GNG4: variants seen among roughly 807,000 people sequenced by gnomAD.
GNG4 encodes the protein G protein subunit gamma 4.
A neutral mutation model predicts 5.8 loss-of-function variants in GNG4; 4 were observed. The ratio of observed to expected loss-of-function variants is 0.69; its 90% confidence interval spans 0.34 to 1.57. The LOEUF is 1.57. Ranked by LOEUF, GNG4 falls within the 40% of genes most tolerant of loss-of-function variation. The probability of loss-of-function intolerance (pLI) is 0.06; values close to 1 mark genes in which losing one functional copy is unlikely to be tolerated. For missense variants in GNG4, 96 were observed against 95.1 expected (o/e 1.01, Z -0.04); for synonymous variants, 29 against 32.9 (o/e 0.88, Z 0.41).
intron 1 of GNG4, among the ~76,000 whole-genome samples, chr1:235,631,317 C>A (rs755533616): frequency 2.0e-5 from 3 of 152,194 alleles, no homozygotes; most frequent in Non-Finnish European, 4.4e-5. Flanking sequence ...CAGTTTGGTG[C>A]TGTCCAATTA....
chr1:235,567,937 C>T (rs1572618642), intron 3 of GNG4, among the ~76,000 whole-genome samples: 1 of 152,066 alleles, frequency 6.6e-6, no homozygotes, highest in Non-Finnish European at 1.5e-5. Flanking sequence ...TTGGGGAGAA[C>T]AATTGTTCTG....
At chr1:235,598,561 A>G (rs1294197710) in intron 1 of GNG4, among the ~76,000 whole-genome samples, 2 of 152,114 alleles carry the variant, frequency 1.3e-5, no homozygotes, top group Admixed American at 1.3e-4. Context: ...GTGAGCTGTA[A>G]TCATGCTACT....
In GNG4 at chr1:235,649,631, C is replaced by T. The variant is rs1043360170; in HGVS notation, c.-123+31G>A. 2.0e-5 allele frequency: 3 copies of T among 152,190 alleles called. No individual in the cohort carries two copies. Among genetic ancestry groups the T allele is most frequent in the African/African-American group, 7.2e-5 (3 of 41,446 alleles). The allele number at this position is 152,190 out of a possible 1,614,324, so 9.4% of individuals were successfully genotyped here. A position where few individuals can be genotyped will look rare whatever the true frequency, so the allele number is the denominator to read the frequency against. On this transcript the variant is annotated intron_variant, in intron 1 of 3. Transcript: ENST00000391854. This position sits in a 1 kb window ranked among gnomAD's most constrained non-coding sequence, Gnocchi z 5.7. ...CACCGGGCTGGGCTCTCCCCGCGGA[C>T]ACCCGGGGCTCCGGCCGGGCGCCCA...
rs543803642 is a variant in GNG4 at position 235,582,344 on chromosome 1, C to A, written c.99+1396G>T. On this transcript the variant is annotated intron_variant, in intron 3 of 3. Transcript: ENST00000391854. The stretch of plus-strand genomic sequence containing the variant: ...CCAGCACAACCTGCAGCTCCTCCCG[C>A]TGCCCAGCTGCTCCACACGAGCCGT... Among the ~76,000 whole-genome samples the A allele has an allele frequency of 5.0e-3, 766 of 152,336 alleles. 5 individuals carry two copies. Among genetic ancestry groups the A allele is most frequent in the African/African-American group, 0.017 (725 of 41,580 alleles).
chr1:235,563,634 T>A (rs1413525480), intron 3 of GNG4, among the ~76,000 whole-genome samples: 1 of 151,912 alleles, frequency 6.6e-6, no homozygotes, highest in African/African-American at 2.4e-5. Context: ...GGGAAACAAT[T>A]ATTTCTCTTA....
At chr1:235,561,942 TTTTATA>T (rs1687073528) in intron 3 of GNG4, among the ~76,000 whole-genome samples, 1 of 152,258 alleles carries the variant, frequency 6.6e-6, no homozygotes, top group Admixed American at 6.5e-5. Context: ...TAGTGTACTC[TTTTATA>T]TTTATGTCTA....
chr1:235,567,976 G>C (rs1449606743), intron 3 of GNG4, among the ~76,000 whole-genome samples: 1 of 152,016 alleles, frequency 6.6e-6, no homozygotes, highest in East Asian at 1.9e-4. Context: ...ACAGGCCCTT[G>C]CACAACATCC....
At chr1:235,564,323 G>A (rs1029951329) in intron 3 of GNG4, among the ~76,000 whole-genome samples, 2 of 152,082 alleles carry the variant, frequency 1.3e-5, no homozygotes, top group African/African-American at 4.8e-5. Flanking sequence ...ACTACCTGTT[G>A]GGTACTATGC....
rs77540275 is a variant in GNG4, at chr1:235,605,962, G to GGA, written c.-122-10452_-122-10451insTC. Among the ~76,000 whole-genome samples, 182 of 147,170 alleles carry GGA rather than the reference G, an allele frequency of 1.2e-3. 3 individuals are homozygous for GGA. Among genetic ancestry groups the GGA allele is most frequent in the Middle Eastern group, 0.01 (3 of 288 alleles). On this transcript the variant is annotated intron_variant, in intron 1 of 3. Transcript: ENST00000391854. ...TTTTTTTGATTGAGAGTGTGGGGGGGTGGGTCTCACTGTGTTGCCCAGGCT... is the reference window on the plus strand; with the variant it reads ...TTTTTTTGATTGAGAGTGTGGGGGGGGATGGGTCTCACTGTGTTGCCCAGGCT...
At chr1:235,612,277 C>T (rs1158799631) in intron 1 of GNG4, among the ~76,000 whole-genome samples, 1 of 152,170 alleles carries the variant, frequency 6.6e-6, no homozygotes, top group South Asian at 2.1e-4. Context: ...GAGGCCCTGG[C>T]CTGCCAGCAG....
chr1:235,580,739 G>GT (rs1200655746), intron 3 of GNG4, among the ~76,000 whole-genome samples: 41,059 of 95,712 alleles, frequency 0.43, 10,229 homozygotes, highest in African/African-American at 0.5. Context: ...GGCCTATCCC[G>GT]TTTTTTGTTT....
At chr1:235,641,251 A>C (rs1476310083) in intron 1 of GNG4, among the ~76,000 whole-genome samples, 1 of 151,998 alleles carries the variant, frequency 6.6e-6, no homozygotes, top group African/African-American at 2.4e-5. Flanking sequence ...TTAGCCGGGC[A>C]TGGTGGTGGG....
chr1:235,614,099 C>T (rs1433527724), intron 1 of GNG4, among the ~76,000 whole-genome samples: 1 of 152,334 alleles, frequency 6.6e-6, no homozygotes, highest in East Asian at 1.9e-4. Flanking sequence ...AGGCGTGAGC[C>T]GCTGCGCCTG....
rs1657600084 is a variant in GNG4, at chr1:235,649,400, C to T, written c.-123+262G>A. Among the ~76,000 whole-genome samples the T allele has an allele frequency of 6.6e-6, 1 of 152,106 alleles. No homozygotes were observed. Reference sequence around the variant, plus strand: ...CGGGCGCCCCCAGCCCCGGAAGCCCCTGGACGCGCTCCGAGGGGGCTGTCC... The same window carrying T: ...CGGGCGCCCCCAGCCCCGGAAGCCCTTGGACGCGCTCCGAGGGGGCTGTCC... On this transcript the variant is annotated intron_variant, in intron 1 of 3. Coordinates refer to ENST00000391854, the MANE Select transcript of GNG4 (RefSeq NM_001098722.2). This position sits in a 1 kb window ranked among gnomAD's most constrained non-coding sequence, Gnocchi z 5.7.
At chr1:235,586,166 T>C (rs1427393237) in intron 2 of GNG4, among the ~76,000 whole-genome samples, 2 of 152,242 alleles carry the variant, frequency 1.3e-5, no homozygotes, top group Non-Finnish European at 2.9e-5. Context: ...TGTGTGTCCT[T>C]ATCTTAGTTT....
intron 1 of GNG4, among the ~76,000 whole-genome samples, chr1:235,607,137 G>A (rs1398756501): frequency 1.3e-5 from 2 of 151,680 alleles, no homozygotes; most frequent in African/African-American, 4.8e-5. Context: ...AGTAGAAATG[G>A]GGTTTCACTA....
At chr1:235,613,891 G>T (rs1309587952) in intron 1 of GNG4, among the ~76,000 whole-genome samples, 1 of 152,144 alleles carries the variant, frequency 6.6e-6, no homozygotes, top group African/African-American at 2.4e-5. Context: ...TATAAGGCTG[G>T]CAATCTTCAC....
At chr1:235,608,875 G>A (rs1688418709) in intron 1 of GNG4, among the ~76,000 whole-genome samples, 4 of 152,006 alleles carry the variant, frequency 2.6e-5, no homozygotes, top group Admixed American at 2.6e-4. Context: ...GTAGAGACGG[G>A]GTTTTGCCAT....
chr1:235,580,122 G>A (rs1687591930), intron 3 of GNG4, among the ~76,000 whole-genome samples: 1 of 152,180 alleles, frequency 6.6e-6, no homozygotes, highest in African/African-American at 2.4e-5. Context: ...CAACATAGAT[G>A]GATCTTAAGG....
Sources: gnomAD v4.1 joint callset for allele counts (sites outside exome capture counted in the v4.1 genomes callset) on GRCh38, gnomAD v4.1.1 for gene constraint, Gnocchi (gnomAD v3.1) non-coding constraint, MANE v1.5 for transcripts, NCBI Gene and HGNC (gene_info 2026-07-23, HGNC 2026-07-21) for gene names.